LRRC4C: variants seen among roughly 807,000 people sequenced by gnomAD.
LRRC4C encodes leucine rich repeat containing 4C, also known as leucine-rich repeat-containing protein 4C.
LRRC4C carries 5 observed loss-of-function variants against 33.6 expected under a neutral mutation model. The ratio of observed to expected loss-of-function variants is 0.15; its 90% CI spans 0.08 to 0.31. The LOEUF is 0.31. Ranked by LOEUF, LRRC4C falls within the 10% of genes least tolerant of loss-of-function variation. The probability of loss-of-function intolerance (pLI) is 1.00; values close to 1 mark genes in which losing one functional copy is unlikely to be tolerated. For missense variants in LRRC4C, 560 were observed against 796.7 expected, an observed-to-expected ratio of 0.70 and a Z score of 3.58; for synonymous variants, 329 against 302.0, an observed-to-expected ratio of 1.09 and a Z score of -0.93.
At chr11:40,814,237 T>A (rs776122964) in intron 2 of LRRC4C, among the ~76,000 whole-genome samples, 13 of 152,180 alleles carry the variant, frequency 8.5e-5, no homozygotes, top group Admixed American at 2.0e-4. Flanking sequence ...TAGGTGGAGG[T>A]TCCCAAACCT....
At position 41,391,395 on chromosome 11, in the gene LRRC4C, A is replaced by G. The variant is rs1953588595; in HGVS notation, c.-496+68036T>C. 3.3e-5 allele frequency among the ~76,000 whole-genome samples: 5 copies of G among 152,092 alleles called. No individual in the cohort carries two copies. In the South Asian group the frequency reaches 1.0e-3, roughly 32 times the overall value. ...AAAATAACAGTTATGTCAGATAAGC[A>G]CATTTAGAAATCTAACATATAACAT... On this transcript the variant is annotated intron_variant, in intron 1 of 6. Transcript: ENST00000528697.
intron 1 of LRRC4C, among the ~76,000 whole-genome samples, chr11:41,337,628 C>T (rs1181956457): frequency 6.6e-6 from 1 of 151,996 alleles, no homozygotes; most frequent in African/African-American, 2.4e-5. Context: ...TAGGCATGGG[C>T]AAGGGTTTCA....
intron 1 of LRRC4C, among the ~76,000 whole-genome samples, chr11:41,202,583 G>A (rs771266448): frequency 2.0e-5 from 3 of 152,146 alleles, no homozygotes; most frequent in South Asian, 2.1e-4. Context: ...AAACACAAGT[G>A]AGGTTCAGTG....
chr11:41,254,745 G>T (rs1260474607), intron 1 of LRRC4C, among the ~76,000 whole-genome samples: 1 of 152,002 alleles, frequency 6.6e-6, no homozygotes, highest in South Asian at 2.1e-4. Context: ...AATTCCACCT[G>T]CTCCATGGCA....
chr11:40,809,062 C>T (rs1306535621), intron 2 of LRRC4C, among the ~76,000 whole-genome samples: 1 of 152,266 alleles, frequency 6.6e-6, no homozygotes, highest in Non-Finnish European at 1.5e-5. Context: ...AGTGTACAAA[C>T]ATCCAGTTAA....
At chr11:40,850,419 C>G (rs1156281755) in intron 2 of LRRC4C, among the ~76,000 whole-genome samples, 2 of 152,136 alleles carry the variant, frequency 1.3e-5, no homozygotes, top group Admixed American at 1.3e-4. Flanking sequence ...CTGGAGTTTG[C>G]TGGGGGTCCA....
intron 1 of LRRC4C, among the ~76,000 whole-genome samples, chr11:41,262,037 C>A (rs1178878600): frequency 2.6e-5 from 4 of 151,908 alleles, no homozygotes; most frequent in East Asian, 1.9e-4. Flanking sequence ...GGAATAGAAG[C>A]AGGATTCTAT....
At chr11:40,344,975 T>C (rs1424393886) in intron 3 of LRRC4C, among the ~76,000 whole-genome samples, 1 of 152,056 alleles carries the variant, frequency 6.6e-6, no homozygotes, top group East Asian at 1.9e-4. Context: ...CAATAAGAAT[T>C]ACAAAACACT....
chr11:40,979,122 AG>A (rs1852313438), intron 1 of LRRC4C, among the ~76,000 whole-genome samples: 1 of 152,168 alleles, frequency 6.6e-6, no homozygotes, highest in African/African-American at 2.4e-5. Context: ...TTAGTAACTT[AG>A]AAAAGCTTTT....
rs75696121 is a variant in LRRC4C, at chr11:40,538,263, C to T, written c.-270+109879G>A. 2.3e-3 allele frequency among the ~76,000 whole-genome samples: 353 copies of T among 152,160 alleles called. 2 individuals are homozygous for T. Among genetic ancestry groups the T allele is most frequent in the Non-Finnish European group, 3.8e-3 (259 of 68,010 alleles). ...CAGCAGCACTCATTATTTTTATCCT[C>T]CTAATGCTATCCCTCCCCCTTCCCC... On this transcript the variant is annotated intron_variant, in intron 3 of 6. Coordinates refer to ENST00000528697, the MANE Select transcript of LRRC4C (RefSeq NM_001258419.2).
In LRRC4C at chr11:40,767,337, T is replaced by C. The variant is rs543401647; in HGVS notation, c.-406-119059A>G. On this transcript the variant is annotated intron_variant, in intron 2 of 6. Coordinates refer to ENST00000528697, the MANE Select transcript of LRRC4C (RefSeq NM_001258419.2). ...CCCAGATATATAAAGCAAATATTGT[T>C]AGAGCTAAAGATAGATAAATACAAA... 5.9e-5 allele frequency among the ~76,000 whole-genome samples: 9 copies of C among 152,242 alleles called. 1 individual carries two copies. In the South Asian group the frequency reaches 1.9e-3, roughly 32 times the overall value.
chr11:40,948,973 C>T (rs528673784), intron 1 of LRRC4C, among the ~76,000 whole-genome samples: 4 of 152,210 alleles, frequency 2.6e-5, no homozygotes, highest in Non-Finnish European at 5.9e-5. Context: ...AACTAGTTTA[C>T]AGTCCCACCA....
At chr11:40,764,824 C>G (rs895610454) in intron 2 of LRRC4C, among the ~76,000 whole-genome samples, 2 of 152,096 alleles carry the variant, frequency 1.3e-5, no homozygotes, top group Non-Finnish European at 2.9e-5. Context: ...GGATTTTACC[C>G]AAGATCACCA....
chr11:40,920,102 A>C (rs1212801763), intron 2 of LRRC4C, among the ~76,000 whole-genome samples: 1 of 152,162 alleles, frequency 6.6e-6, no homozygotes, highest in African/African-American at 2.4e-5. Context: ...AGATTATAAG[A>C]AAATCTTATG....
rs568526274 is a variant in LRRC4C at position 41,157,342 on chromosome 11, TTTC to T, written c.-495-223622_-495-223620del. Reference sequence around the variant, plus strand: ...AGGAGAGGGATGTAGCATGCACAAATTTCCTAAGAGAAATAAGAAAGACCACAT... The same window carrying T: ...AGGAGAGGGATGTAGCATGCACAAATCTAAGAGAAATAAGAAAGACCACAT... On this transcript the variant is annotated intron_variant, in intron 1 of 6. Transcript: ENST00000528697. 6.1e-3 allele frequency among the ~76,000 whole-genome samples: 935 copies of T among 152,148 alleles called. 14 individuals carry two copies. The highest frequency in any genetic ancestry group is 0.021 in the African/African-American group (888 of 41,518).
chr11:41,036,670 A>G (rs979601315), intron 1 of LRRC4C, among the ~76,000 whole-genome samples: 1 of 152,174 alleles, frequency 6.6e-6, no homozygotes, highest in Admixed American at 6.5e-5. Flanking sequence ...AACAGGTAAA[A>G]TCATGAATTA....
At chr11:40,130,298 T>C (rs574691620) in intron 6 of LRRC4C, among the ~76,000 whole-genome samples, 1 of 152,330 alleles carries the variant, frequency 6.6e-6, no homozygotes, top group Non-Finnish European at 1.5e-5. Flanking sequence ...TTTGTGCTAA[T>C]ATTTTAAGTC....
chr11:40,535,568 G>A (rs1220991964), intron 3 of LRRC4C, among the ~76,000 whole-genome samples: 3 of 152,164 alleles, frequency 2.0e-5, no homozygotes, highest in Admixed American at 1.3e-4. Flanking sequence ...TCCATAAGAT[G>A]CCAACAAAGT....
At chr11:40,781,907 C>A (rs1037665564) in intron 2 of LRRC4C, among the ~76,000 whole-genome samples, 1 of 152,160 alleles carries the variant, frequency 6.6e-6, no homozygotes, top group Non-Finnish European at 1.5e-5. Flanking sequence ...GCTTTCTGCT[C>A]TGTAATTAAC....
Sources: gnomAD v4.1 joint callset for allele counts (sites outside exome capture counted in the v4.1 genomes callset) on GRCh38, gnomAD v4.1.1 for gene constraint, MANE v1.5 for transcripts, NCBI Gene and HGNC (gene_info 2026-07-23, HGNC 2026-07-21) for gene names.